ITGA9: variants seen among roughly 807,000 people sequenced by gnomAD.
ITGA9 encodes integrin subunit alpha 9.
A neutral mutation model predicts 127.8 loss-of-function variants in ITGA9; 56 were observed. That is an observed-to-expected ratio of 0.44 (90% confidence interval 0.35 to 0.55). The LOEUF is 0.55. ITGA9 is among the 20% of genes least tolerant of loss of function. ITGA9 has a pLI of 0.00. For synonymous variants in ITGA9, 508 were observed against 514.5 expected (o/e 0.99, Z 0.17); for missense variants, 1,196 against 1,347.1 (o/e 0.89, Z 1.76).
chr3:37,659,539 A>T (rs993419439), intron 17 of ITGA9, among the ~76,000 whole-genome samples: 13 of 151,742 alleles, frequency 8.6e-5, no homozygotes, highest in Non-Finnish European at 1.8e-4. Flanking sequence ...TGGGTCATTT[A>T]TGTTCTTCTC....
chr3:37,548,542 A>G lies in ITGA9; in HGVS notation c.1689+5957A>G, dbSNP rs575545784. On this transcript the variant is annotated intron_variant, in intron 15 of 27. Transcript: ENST00000264741. ...ATATAGAGCTTTCCTGTTCTTTTTC[A>G]GTAGTTCTTTTTCACTATTCCTTGA... is the stretch of plus-strand genomic sequence containing the variant. Among the ~76,000 whole-genome samples the G allele has an allele frequency of 2.6e-5, 4 of 152,236 alleles. No homozygotes were observed. The East Asian group carries it at 7.7e-4, about 29-fold the overall frequency.
At chr3:37,628,071 G>C (rs774566225) in intron 15 of ITGA9, among the ~76,000 whole-genome samples, 3 of 152,174 alleles carry the variant, frequency 2.0e-5, no homozygotes, top group Non-Finnish European at 4.4e-5. Context: ...ACTTCACACA[G>C]AGAGTAGTAT....
Position 37,498,569 on chromosome 3 carries a change from C to G in ITGA9, c.612+4001C>G, listed in dbSNP as rs193175305. Among the ~76,000 whole-genome samples the G allele has an allele frequency of 3.3e-3, 505 of 152,260 alleles. 3 individuals carry two copies. The highest frequency in any genetic ancestry group is 6.8e-3 in the Middle Eastern group (2 of 294). ...AGAAGAACAGAAGACCTGCTGAAAT[C>G]CAGGCTTTGGGATTTAGAACCTGAG... is the stretch of plus-strand genomic sequence containing the variant. On this transcript the variant is annotated intron_variant, in intron 5 of 27. Transcript: ENST00000264741.
At chr3:37,569,843 C>T (rs748218495) in intron 15 of ITGA9, among the ~76,000 whole-genome samples, 1 of 152,118 alleles carries the variant, frequency 6.6e-6, no homozygotes, top group Non-Finnish European at 1.5e-5. Context: ...GAAGTTTAGC[C>T]CTTAGTCCCA....
intron 15 of ITGA9, among the ~76,000 whole-genome samples, chr3:37,544,808 G>A (rs987248337): frequency 1.4e-4 from 22 of 152,216 alleles, no homozygotes; most frequent in Admixed American, 9.2e-4. Flanking sequence ...ATAGACACAT[G>A]TCTCTGAGAC....
At chr3:37,649,345 G>A (rs112127966) in intron 16 of ITGA9, among the ~76,000 whole-genome samples, 31 of 152,138 alleles carry the variant, frequency 2.0e-4, no homozygotes, top group African/African-American at 6.7e-4. Flanking sequence ...TCTACAAGAA[G>A]CTCACTTTTA....
At chr3:37,535,675 C>G (rs1275047242) in intron 14 of ITGA9, among the ~76,000 whole-genome samples, 1 of 152,208 alleles carries the variant, frequency 6.6e-6, no homozygotes, top group Non-Finnish European at 1.5e-5. Context: ...AATTTCTCTT[C>G]CCTATCCTCC....
intron 6 of ITGA9, among the ~76,000 whole-genome samples, chr3:37,504,118 G>A (rs1381888458): frequency 6.6e-6 from 1 of 152,186 alleles, no homozygotes; most frequent in East Asian, 1.9e-4. Context: ...GGGAGTCGTT[G>A]ACTTGCCTTT....
chr3:37,666,231 C>T (rs1047577600), intron 17 of ITGA9, among the ~76,000 whole-genome samples: 3 of 152,178 alleles, frequency 2.0e-5, no homozygotes, highest in Non-Finnish European at 2.9e-5. Flanking sequence ...CTCCTAGAAG[C>T]AGACCATGAG....
intron 17 of ITGA9, among the ~76,000 whole-genome samples, chr3:37,658,970 G>C (rs1700506558): frequency 6.6e-6 from 1 of 152,192 alleles, no homozygotes; most frequent in East Asian, 1.9e-4. Flanking sequence ...TGAAATTCTG[G>C]TTTGAAAATT....
intron 3 of ITGA9, among the ~76,000 whole-genome samples, chr3:37,476,628 C>T (rs532771905): frequency 3.3e-5 from 5 of 152,236 alleles, no homozygotes; most frequent in Middle Eastern, 3.4e-3. Flanking sequence ...CCCCTCTGCC[C>T]CTGCCCCACT....
At chr3:37,712,993 G>C (rs1701094910) in intron 18 of ITGA9, among the ~76,000 whole-genome samples, 1 of 152,194 alleles carries the variant, frequency 6.6e-6, no homozygotes, top group Non-Finnish European at 1.5e-5. Flanking sequence ...AGCAGGTGCA[G>C]ACCGTCATCC....
chr3:37,571,755 T>C (rs1281697010), intron 15 of ITGA9, among the ~76,000 whole-genome samples: 3 of 152,044 alleles, frequency 2.0e-5, no homozygotes, highest in Non-Finnish European at 4.4e-5. Flanking sequence ...CGCTTTCTGC[T>C]TTCTTAGGCA....
intron 4 of ITGA9, among the ~76,000 whole-genome samples, chr3:37,482,034 A>G (rs1698561364): frequency 6.6e-6 from 1 of 152,192 alleles, no homozygotes; most frequent in Admixed American, 6.5e-5. Context: ...GATGATCTCT[A>G]CAGCCCCAGG....
At chr3:37,649,639 A>T (rs1700411474) in intron 16 of ITGA9, among the ~76,000 whole-genome samples, 1 of 152,228 alleles carries the variant, frequency 6.6e-6, no homozygotes, top group African/African-American at 2.4e-5. Flanking sequence ...CCCCACTCTC[A>T]ATAATGGATA....
chr3:37,670,002 C>G (rs926987605), intron 17 of ITGA9, among the ~76,000 whole-genome samples: 2 of 152,090 alleles, frequency 1.3e-5, no homozygotes, highest in African/African-American at 4.8e-5. Context: ...ACTGGACTCT[C>G]CTTTAAGAAA....
In ITGA9 at chr3:37,823,309, A is replaced by C. The variant is rs1043769133; in HGVS notation, c.*4320A>C. ...TAATTGCTTGGCAGGCACCCACGCT[A>C]TCTGCATTTCCAGAACTTTACTGAT... is the stretch of plus-strand genomic sequence containing the variant. On this transcript the variant is annotated 3_prime_UTR_variant, in exon 28 of 28. Transcript: ENST00000264741. 2 of 152,186 alleles carry C rather than the reference A, an allele frequency of 1.3e-5. No homozygotes were observed. Among genetic ancestry groups the C allele is most frequent in the Non-Finnish European group, 2.9e-5 (2 of 68,046 alleles). 9.4% of individuals were successfully genotyped at this position (152,186 alleles called of 1,614,324 possible). A position where few individuals can be genotyped will look rare whatever the true frequency, so the allele number is the denominator to read the frequency against.
intron 2 of ITGA9, 132 bp downstream of exon 2, chr3:37,471,266 C>G (rs1698428461): frequency 9.6e-7 from 1 of 1,042,326 alleles, no homozygotes; most frequent in South Asian, 1.3e-5. Flanking sequence ...TTCTCTCCAA[C>G]AAGCATGTAT....
intron 15 of ITGA9, among the ~76,000 whole-genome samples, chr3:37,608,182 CTG>C (rs1205051408): frequency 6.6e-6 from 1 of 152,184 alleles, no homozygotes; most frequent in African/African-American, 2.4e-5. Context: ...CTTTTAAAGA[CTG>C]TGGTCACATT....
Sources: gnomAD v4.1 joint callset for allele counts (sites outside exome capture counted in the v4.1 genomes callset) on GRCh38, gnomAD v4.1.1 for gene constraint, MANE v1.5 for transcripts, NCBI Gene and HGNC (gene_info 2026-07-23, HGNC 2026-07-21) for gene names.